The following BACE2 variants were observed in gnomAD, a reference collection of about 807,000 sequenced individuals.
BACE2 encodes the protein beta-secretase 2.
BACE2 carries 17 observed loss-of-function variants against 46.2 expected under a neutral mutation model. The ratio of observed to expected loss-of-function variants is 0.37; its 90% CI spans 0.25 to 0.55. BACE2 has a LOEUF of 0.55. Ranked by LOEUF, BACE2 falls within the 20% of genes least tolerant of loss-of-function variation. BACE2 has a pLI of 0.82. For missense variants in BACE2, 595 were observed against 698.1 expected (o/e 0.85, Z 1.66); for synonymous variants, 277 against 295.9 (o/e 0.94, Z 0.66).
intron 1 of BACE2, chr21:41,176,861 A>C (rs537291792): frequency 6.6e-6 from 1 of 152,372 alleles, no homozygotes; most frequent in East Asian, 1.9e-4. Flanking sequence ...AGACATACAA[A>C]ATACAAGTGT....
rs767661052 is a variant in BACE2, at chr21:41,275,329, G to A, written c.1304-42G>A. The A allele has an allele frequency of 7.4e-5, 120 of 1,611,140 alleles. No homozygotes were observed. In the East Asian group the frequency reaches 1.9e-3, roughly 25 times the overall value. ...CTGTGTCCAATGTGAGAGGTGGACCGCTCATTTCACAGCTGTGGATTTTCC... is the reference window on the plus strand; with the variant it reads ...CTGTGTCCAATGTGAGAGGTGGACCACTCATTTCACAGCTGTGGATTTTCC... On this transcript the variant is annotated intron_variant, in intron 8 of 8. Transcript: ENST00000330333.
chr21:41,237,536 G>A lies in BACE2; in HGVS notation c.425G>A (p.Gly142Asp), dbSNP rs1488608105. 6.2e-7 allele frequency: 1 copy of A among 1,614,090 alleles called. No individual in the cohort carries two copies. The highest frequency in any genetic ancestry group is 8.5e-7 in the Non-Finnish European group (1 of 1,179,988). ...TERSSTYRSK[G>D]FDVTVKYTQG... is the part of the protein sequence containing the mutation. The stretch of plus-strand genomic sequence containing the variant: ...AGGTCTAGCACATACCGCTCCAAGG[G>A]CTTTGACGTCACAGTGAAGTACACA... Residue 142 changes from glycine to aspartate, a missense_variant, in exon 3 of 9, where the codon GGC becomes GAC. By Grantham distance (94) the Gly-to-Asp change is moderately conservative. Around this residue, in one of 3 missense-constraint regions of BACE2, gnomAD observed 248 missense variants for 261.4 expected, o/e 0.95. Coordinates refer to ENST00000330333, the MANE Select transcript of BACE2 (RefSeq NM_012105.5).
At chr21:41,266,587 G>A (rs1292464097) in intron 8 of BACE2, among the ~76,000 whole-genome samples, 1 of 152,236 alleles carries the variant, frequency 6.6e-6, no homozygotes, top group East Asian at 1.9e-4. Context: ...CATTTCTCAT[G>A]GGAGAGTTTC....
intron 7 of BACE2, among the ~76,000 whole-genome samples, chr21:41,255,917 C>G (rs950457162): frequency 6.6e-6 from 1 of 152,168 alleles, no homozygotes; most frequent in Non-Finnish European, 1.5e-5. Flanking sequence ...TATTTTAACC[C>G]CAAATATATT....
intron 4 of BACE2, among the ~76,000 whole-genome samples, chr21:41,242,476 C>T (rs370064713): frequency 1.2e-4 from 18 of 152,224 alleles, no homozygotes; most frequent in African/African-American, 3.4e-4. Flanking sequence ...GGCACCCAGA[C>T]GTCAAAAGTA....
intron 1 of BACE2, chr21:41,177,297 C>A (rs1363888940): frequency 2.0e-5 from 3 of 152,242 alleles, no homozygotes; most frequent in Non-Finnish European, 4.4e-5. Flanking sequence ...AGGTGGGACA[C>A]CATCAAGACA....
rs745316197 is a variant in BACE2 at position 41,226,394 on chromosome 21, A to G, written c.401+40A>G. ...CTTGGCTGGTGTGCTGGGCCGGGGC[A>G]CTGCATGATCAACATGCTTCAAAAT... On this transcript the variant is annotated intron_variant, in intron 2 of 8. Transcript: ENST00000330333. 5 of 1,543,740 alleles carry G rather than the reference A, an allele frequency of 3.2e-6. No homozygotes were observed. In the African/African-American group the frequency reaches 5.5e-5, roughly 17 times the overall value.
chr21:41,224,402 G>T (rs1449669096), intron 1 of BACE2, among the ~76,000 whole-genome samples: 3 of 152,020 alleles, frequency 2.0e-5, no homozygotes, highest in African/African-American at 7.3e-5. Context: ...TTTTAGTAGA[G>T]ATGGGGTTTC....
intron 6 of BACE2, among the ~76,000 whole-genome samples, 158 bp from the exon 7 acceptor site, chr21:41,250,594 G>A (rs562794987): frequency 3.3e-5 from 5 of 152,160 alleles, no homozygotes; most frequent in South Asian, 2.1e-4. Flanking sequence ...TGTCATCACC[G>A]TCACTCTTCC....
Position 41,246,073 on chromosome 21 carries a change from C to T in BACE2, c.984+10C>T, listed in dbSNP as rs1369234311. ...GGCCCGCGCATCTCTGGTGAGTCCT[C>T]GGGACACTCACGGGTCCCCGAGTTG... is the stretch of plus-strand genomic sequence containing the variant. On this transcript the variant is annotated intron_variant, in intron 6 of 8. Coordinates refer to ENST00000330333, the MANE Select transcript of BACE2 (RefSeq NM_012105.5). 3.1e-6 allele frequency: 5 copies of T among 1,588,386 alleles called. No homozygotes were observed. In the South Asian group the frequency reaches 3.4e-5, roughly 11 times the overall value.
intron 1 of BACE2, among the ~76,000 whole-genome samples, chr21:41,192,365 C>T (rs971038381): frequency 6.6e-6 from 1 of 152,158 alleles, no homozygotes; most frequent in Non-Finnish European, 1.5e-5. Context: ...AGGATCTGCT[C>T]GAGCCCAATC....
At chr21:41,265,118 A>G (rs1225387609) in intron 8 of BACE2, among the ~76,000 whole-genome samples, 1 of 149,362 alleles carries the variant, frequency 6.7e-6, no homozygotes, top group African/African-American at 2.5e-5. Flanking sequence ...AAGGTACGAT[A>G]TAGCACATAG....
chr21:41,226,141 CTT>C (rs57826923), intron 1 of BACE2, 123 bp from the exon 2 acceptor site: 10 of 702,270 alleles, frequency 1.4e-5, no homozygotes, highest in South Asian at 1.9e-5. Flanking sequence ...CGTCAGTATA[CTT>C]TTTTTTTGTT....
chr21:41,258,235 G>A (rs1987841833), intron 8 of BACE2, among the ~76,000 whole-genome samples: 1 of 152,208 alleles, frequency 6.6e-6, no homozygotes, highest in Admixed American at 6.5e-5. Context: ...GAAAAATTAA[G>A]TGTGAGGTCA....
At chr21:41,228,486 A>G (rs1319277891) in intron 2 of BACE2, among the ~76,000 whole-genome samples, 1 of 152,256 alleles carries the variant, frequency 6.6e-6, no homozygotes, top group Non-Finnish European at 1.5e-5. Context: ...GCATGGTGCC[A>G]GGCTCTCAGG....
At chr21:41,240,258 A>G (rs1170042482) in intron 3 of BACE2, among the ~76,000 whole-genome samples, 1 of 152,158 alleles carries the variant, frequency 6.6e-6, no homozygotes, top group Non-Finnish European at 1.5e-5. Context: ...CTTCCTGTCA[A>G]GGCTGTGTCA....
chr21:41,270,515 C>G (rs1383072067), intron 8 of BACE2, among the ~76,000 whole-genome samples: 1 of 152,106 alleles, frequency 6.6e-6, no homozygotes, highest in Non-Finnish European at 1.5e-5. Context: ...CTCCTGGCCT[C>G]AAGTGATCCT....
chr21:41,227,375 G>T (rs1028088369), intron 2 of BACE2, among the ~76,000 whole-genome samples: 2 of 152,114 alleles, frequency 1.3e-5, no homozygotes, highest in Admixed American at 6.5e-5. Flanking sequence ...CTTATCCTCA[G>T]TGTTTTGTTC....
intron 8 of BACE2, among the ~76,000 whole-genome samples, chr21:41,266,611 C>G (rs142740804): frequency 6.6e-6 from 1 of 152,358 alleles, no homozygotes; most frequent in Non-Finnish European, 1.5e-5. Context: ...CCCTCCTCCC[C>G]CAACCTCTTA....
Sources: allele counts gnomAD v4.1 joint callset (sites outside exome capture counted in the v4.1 genomes callset), GRCh38; gene constraint gnomAD v4.1.1; regional missense constraint gnomAD v4.1.1; transcripts MANE v1.5; gene names NCBI Gene and HGNC (gene_info 2026-07-23, HGNC 2026-07-21).